The following ZPLD1 variants were observed in gnomAD, a reference collection of about 807,000 sequenced individuals.
ZPLD1 encodes zona pellucida-like domain-containing protein 1.
In ZPLD1, 34 loss-of-function variants were observed where a neutral mutation model predicts 47.2. The observed-to-expected ratio is 0.72, with a 90% CI of 0.55 to 0.96. The LOEUF is 0.96. Among genes scored for constraint, ZPLD1 ranks in the 40% least tolerant of loss-of-function variants. The pLI, the probability that ZPLD1 is intolerant of heterozygous loss-of-function variation, is 0.00. For missense variants in ZPLD1, 512 were observed against 505.8 expected, an observed-to-expected ratio of 1.01 and a Z score of -0.12; for synonymous variants, 176 against 186.2, an observed-to-expected ratio of 0.95 and a Z score of 0.45.
chr3:102,470,431 G>C lies in ZPLD1; in HGVS notation c.971G>C (p.Arg324Thr). ...AGAGAAAGGAGAGATGCTGGGAGGA[G>C]GACGACTTGGAGCCCCCAGAGCTCT... is the stretch of plus-strand genomic sequence containing the variant. ...SHRERRDAGR[R>T]TTWSPQSSSG... The change falls in exon 10 of 12, where the codon AGG (arginine) becomes ACG (threonine). Residue 324 changes from arginine (R) to threonine (T), a missense_variant. Arg to Thr is a moderately conservative substitution (Grantham distance 71, BLOSUM62 -1). Transcript: ENST00000466937. 6.2e-7 allele frequency: 1 copy of C among 1,614,064 alleles called. No homozygotes were observed. Among genetic ancestry groups the C allele is most frequent in the Non-Finnish European group, 8.5e-7 (1 of 1,180,010 alleles).
intron 6 of ZPLD1, among the ~76,000 whole-genome samples, chr3:102,386,049 T>A (rs1344187390): frequency 1.3e-5 from 2 of 152,222 alleles, no homozygotes; most frequent in Non-Finnish European, 2.9e-5. Flanking sequence ...TGTTTTTATC[T>A]CTTGCAAGAA....
chr3:102,445,823 T>G (rs1056720915), intron 3 of ZPLD1, among the ~76,000 whole-genome samples: 7 of 152,332 alleles, frequency 4.6e-5, no homozygotes, highest in Non-Finnish European at 1.0e-4. Context: ...AAAAATTCAT[T>G]TTTAATGGGG....
chr3:102,469,012 GC>G lies in ZPLD1; in HGVS notation c.811del (p.Arg271GlyfsTer12). 2 of 1,614,124 alleles carry G rather than the reference GC, an allele frequency of 1.2e-6. No individual in the cohort carries two copies. Among genetic ancestry groups the G allele is most frequent in the Non-Finnish European group, 1.7e-6 (2 of 1,179,990 alleles). ...TTVIENGRSQ[R>X]GRFSFEVFRF... ...CCGTCATTGAGAATGGCCGAAGCCAGCGGGGCCGGTTTTCTTTTGAAGTGTT... is the reference window on the plus strand; with the variant it reads ...CCGTCATTGAGAATGGCCGAAGCCAGGGGGCCGGTTTTCTTTTGAAGTGTT... On this transcript the variant is annotated frameshift_variant, in exon 9 of 12. Coordinates refer to ENST00000466937, the MANE Select transcript of ZPLD1 (RefSeq NM_001329788.2). LOFTEE classifies it high-confidence loss of function.
chr3:102,467,850 C>CAT (rs1192511300), intron 8 of ZPLD1, among the ~76,000 whole-genome samples: 1 of 151,194 alleles, frequency 6.6e-6, no homozygotes, highest in African/African-American at 2.4e-5. Flanking sequence ...CACACACACA[C>CAT]ACACACACAC....
intron 6 of ZPLD1, among the ~76,000 whole-genome samples, chr3:102,389,640 C>T (rs1706473371): frequency 6.6e-6 from 1 of 152,180 alleles, no homozygotes; most frequent in Admixed American, 6.5e-5. Flanking sequence ...AATATTGAGA[C>T]ATAACTCAGA....
At chr3:102,405,587 G>A (rs941576510) in intron 7 of ZPLD1, among the ~76,000 whole-genome samples, 5 of 151,990 alleles carry the variant, frequency 3.3e-5, no homozygotes, top group African/African-American at 1.2e-4. Context: ...TGAATGTAAA[G>A]TGTGTTAAAT....
intron 10 of ZPLD1, among the ~76,000 whole-genome samples, chr3:102,474,481 T>C (rs867907150): frequency 5.9e-5 from 9 of 152,144 alleles, no homozygotes; most frequent in Non-Finnish European, 1.0e-4. Context: ...TCAGGGATCT[T>C]AGAGTTCAGA....
intron 5 of ZPLD1, 65 bp downstream of exon 5, chr3:102,456,439 C>T (rs1707414730): frequency 1.4e-6 from 2 of 1,391,702 alleles, no homozygotes; most frequent in Admixed American, 3.8e-5. Context: ...TCGTATCTTT[C>T]AGGGACTTAG....
At chr3:102,388,807 G>A (rs945933738) in intron 6 of ZPLD1, among the ~76,000 whole-genome samples, 1 of 152,042 alleles carries the variant, frequency 6.6e-6, no homozygotes, top group African/African-American at 2.4e-5. Context: ...AAATATTTCT[G>A]GGGGGGTGAG....
At chr3:102,437,969 T>C (rs1433249233) in intron 2 of ZPLD1, among the ~76,000 whole-genome samples, 1 of 152,226 alleles carries the variant, frequency 6.6e-6, no homozygotes, top group Non-Finnish European at 1.5e-5. Flanking sequence ...CTGGAATTCT[T>C]CTGTTGGGGG....
chr3:102,462,189 T>C, intron 6 of ZPLD1, 92 bp from the exon 7 acceptor site: 1 of 743,860 alleles, frequency 1.3e-6, no homozygotes, highest in Non-Finnish European at 2.1e-6. Flanking sequence ...TTGATTTACT[T>C]TCTTTTTTCT....
intron 7 of ZPLD1, among the ~76,000 whole-genome samples, chr3:102,402,284 C>A (rs1024016037): frequency 1.3e-5 from 2 of 151,862 alleles, no homozygotes; most frequent in African/African-American, 2.4e-5. Context: ...TCTCTTCTAC[C>A]ATTCACTCAT....
intron 8 of ZPLD1, among the ~76,000 whole-genome samples, chr3:102,425,287 A>C (rs1387273921): frequency 6.6e-6 from 1 of 152,094 alleles, no homozygotes; most frequent in East Asian, 1.9e-4. Flanking sequence ...TGCCATGATG[A>C]ATCTTGGTTT....
intron 3 of ZPLD1, among the ~76,000 whole-genome samples, chr3:102,451,940 G>C (rs1394282617): frequency 6.6e-6 from 1 of 152,104 alleles, no homozygotes; most frequent in Non-Finnish European, 1.5e-5. Flanking sequence ...CTGAGGGTTA[G>C]GGCTTCAGCA....
intron 4 of ZPLD1, among the ~76,000 whole-genome samples, chr3:102,455,431 T>C (rs1298972093): frequency 6.6e-6 from 1 of 152,206 alleles, no homozygotes; most frequent in Admixed American, 6.5e-5. Context: ...TGAAAGTTCT[T>C]GAACCCCCAA....
chr3:102,437,995 T>G (rs1707117339), intron 2 of ZPLD1, among the ~76,000 whole-genome samples: 1 of 152,202 alleles, frequency 6.6e-6, no homozygotes, highest in African/African-American at 2.4e-5. Context: ...TTTTTCTGTT[T>G]TCTGTTAAGG....
upstream of ZPLD1, among the ~76,000 whole-genome samples, chr3:102,431,892 A>T (rs1211863228): frequency 6.6e-6 from 1 of 152,184 alleles, no homozygotes; most frequent in Non-Finnish European, 1.5e-5. Context: ...CTGGGTGACA[A>T]GAATGAAACT....
rs115816829 is a variant in ZPLD1 at position 102,455,815 on chromosome 3, T to A, written c.328-378T>A. Among the ~76,000 whole-genome samples, 584 of 152,228 alleles carry A rather than the reference T, an allele frequency of 3.8e-3. 5 individuals are homozygous for A. The highest frequency in any genetic ancestry group is 0.014 in the African/African-American group (564 of 41,522). ...AGTGGGGAGAGTGACAGCATTATCA[T>A]CAAGAGTTGGAGCCTGGAGATATGA... On this transcript the variant is annotated intron_variant, in intron 4 of 11. Transcript: ENST00000466937.
At chr3:102,404,100 T>C (rs1291775095) in intron 7 of ZPLD1, among the ~76,000 whole-genome samples, 1 of 151,994 alleles carries the variant, frequency 6.6e-6, no homozygotes, top group African/African-American at 2.4e-5. Flanking sequence ...CGTGTCACTC[T>C]TGAATAATCA....
Sources: allele counts gnomAD v4.1 joint callset (sites outside exome capture counted in the v4.1 genomes callset), GRCh38; gene constraint gnomAD v4.1.1; transcripts MANE v1.5; gene names NCBI Gene and HGNC (gene_info 2026-07-23, HGNC 2026-07-21).